The following BRWD1 variants were observed in gnomAD, a reference collection of about 807,000 sequenced individuals.
BRWD1 encodes the protein bromodomain and WD repeat domain containing 1, also known as bromodomain and WD repeat-containing protein 1.
A neutral mutation model predicts 251.2 loss-of-function variants in BRWD1; 82 were observed. That is an observed-to-expected ratio of 0.33 (90% confidence interval 0.27 to 0.39). The LOEUF (loss-of-function observed/expected upper bound fraction) is 0.39, where lower values mean the gene tolerates loss of function less well. Ranked by LOEUF, BRWD1 falls within the 10% of genes least tolerant of loss-of-function variation. BRWD1 has a pLI of 1.00. For synonymous variants in BRWD1, 918 were observed against 902.8 expected (o/e 1.02, Z -0.30); for missense variants, 2,233 against 2,711.6 (o/e 0.82, Z 3.92).
intron 15 of BRWD1, among the ~76,000 whole-genome samples, chr21:39,269,530 A>G (rs1170988087): frequency 1.3e-5 from 2 of 152,068 alleles, no homozygotes; most frequent in Non-Finnish European, 2.9e-5. Context: ...TAATAATGTC[A>G]TTTTATTTTA....
chr21:39,191,604 G>A lies in BRWD1; in HGVS notation c.*4655C>T. On this transcript the variant is annotated 3_prime_UTR_variant, in exon 41 of 41. Coordinates refer to ENST00000342449, the MANE Select transcript of BRWD1 (RefSeq NM_033656.4). ...TTTTGTAGGTGAATATATAGTTGCA[G>A]TCCAAGGACTGATTCACATTTAGAA... The A allele has an allele frequency of 7.1e-6, 7 of 984,876 alleles. No individual in the cohort carries two copies. Among genetic ancestry groups the A allele is most frequent in the Non-Finnish European group, 8.4e-6 (7 of 829,546 alleles). The allele number at this position is 984,876 out of a possible 1,614,324, so 61.0% of individuals were successfully genotyped here.
intron 4 of BRWD1, among the ~76,000 whole-genome samples, chr21:39,307,886 A>C (rs1212613707): frequency 6.6e-6 from 1 of 152,202 alleles, no homozygotes; most frequent in Non-Finnish European, 1.5e-5. Context: ...CCTTGACTAT[A>C]GAGATCTATC....
At position 39,232,505 on chromosome 21, in the gene BRWD1, A is replaced by T; in HGVS notation, c.2767-7T>A. On this transcript the variant is annotated splice_polypyrimidine_tract_variant and splice_region_variant and intron_variant, in intron 23 of 40. Coordinates refer to ENST00000342449, the MANE Select transcript of BRWD1 (RefSeq NM_033656.4). Reference sequence around the variant, plus strand: ...GAGTCATCCTCCGCAAATTCTACCAAGGGGAAGAGAACAAAGTTTCTTAGA... The same window carrying T: ...GAGTCATCCTCCGCAAATTCTACCATGGGGAAGAGAACAAAGTTTCTTAGA... The T allele has an allele frequency of 1.3e-6, 2 of 1,582,928 alleles. No individual in the cohort carries two copies. The highest frequency in any genetic ancestry group is 2.7e-5 in the African/African-American group (2 of 72,904).
chr21:39,304,430 G>A (rs1241304003), intron 4 of BRWD1, among the ~76,000 whole-genome samples: 2 of 138,356 alleles, frequency 1.4e-5, no homozygotes, highest in African/African-American at 2.5e-5. Flanking sequence ...AGGCCATATA[G>A]TGAGACAGTC....
Position 39,251,992 on chromosome 21 carries a change from C to T in BRWD1, c.2256-1103G>A, listed in dbSNP as rs548537502. Reference sequence around the variant, plus strand: ...ATAAAAGAATTTTTATACGGCCGGGCGCAGTGGCCCACACCTGTAATCCCA... The same window carrying T: ...ATAAAAGAATTTTTATACGGCCGGGTGCAGTGGCCCACACCTGTAATCCCA... On this transcript the variant is annotated intron_variant, in intron 19 of 40. Coordinates refer to ENST00000342449, the MANE Select transcript of BRWD1 (RefSeq NM_033656.4). 7.0e-4 allele frequency among the ~76,000 whole-genome samples: 107 copies of T among 152,124 alleles called. 2 individuals are homozygous for T. The highest frequency in any genetic ancestry group is 2.4e-3 in the African/African-American group (101 of 41,496).
At chr21:39,313,811 C>G (rs2036617749), upstream of BRWD1, 2 of 359,642 alleles carry the variant, frequency 5.6e-6, no homozygotes, top group Non-Finnish European at 1.0e-5. Flanking sequence ...GACGCGGAGG[C>G]AAAGACCTGG....
At chr21:39,268,622 A>G (rs2035002766) in intron 15 of BRWD1, among the ~76,000 whole-genome samples, 1 of 152,146 alleles carries the variant, frequency 6.6e-6, no homozygotes, top group South Asian at 2.1e-4. Context: ...AATACTTGCT[A>G]ATATTCAACA....
At position 39,247,694 on chromosome 21, in the gene BRWD1, C is replaced by T; in HGVS notation, c.2481+7G>A. ...TATCTTATAACATTTTAAAGTTTTC[C>T]ACTCACATGTCTTACAGAGCTTGAA... On this transcript the variant is annotated splice_region_variant and intron_variant, in intron 21 of 40. Coordinates refer to ENST00000342449, the MANE Select transcript of BRWD1 (RefSeq NM_033656.4). 1 of 1,589,864 alleles carries T rather than the reference C, an allele frequency of 6.3e-7. No individual in the cohort carries two copies.
chr21:39,272,040 T>C (rs1316889671), intron 13 of BRWD1, among the ~76,000 whole-genome samples: 1 of 142,218 alleles, frequency 7.0e-6, no homozygotes, highest in Non-Finnish European at 1.5e-5. Context: ...ATAGAATGAG[T>C]GTTATAAAAC....
At chr21:39,230,737 A>G (rs1327602723) in intron 25 of BRWD1, among the ~76,000 whole-genome samples, 1 of 152,116 alleles carries the variant, frequency 6.6e-6, no homozygotes, top group Non-Finnish European at 1.5e-5. Context: ...CACCAGAAAA[A>G]GCACAAAAAT....
chr21:39,295,780 C>G lies in BRWD1; in HGVS notation c.572G>C (p.Cys191Ser), dbSNP rs1377702181. Residue 191 changes from cysteine to serine, a missense_variant, in exon 7 of 41, where the codon TGT (cysteine) becomes TCT (serine). This residue lies in a region of BRWD1 where 185 missense variants were observed against 260.6 expected (regional missense o/e 0.71). Coordinates refer to ENST00000342449, the MANE Select transcript of BRWD1 (RefSeq NM_033656.4). The stretch of plus-strand genomic sequence containing the variant: ...ATGTCCTGTCCTATCAAATGCTACA[C>G]AGTAAACAGCAGATAGATGTCCGAG... ...RILGHLSAVY[C>S]VAFDRTGHRI... 1 of 1,607,390 alleles carries G rather than the reference C, an allele frequency of 6.2e-7. No homozygotes were observed. The highest frequency in any genetic ancestry group is 8.5e-7 in the Non-Finnish European group (1 of 1,176,176).
At chr21:39,232,068 G>GA in intron 25 of BRWD1, 109 bp downstream of exon 25, 1 of 981,376 alleles carries the variant, frequency 1.0e-6, no homozygotes, top group Non-Finnish European at 1.5e-6. Context: ...TATCAAGTAG[G>GA]AAAGAAAGTA....
intron 37 of BRWD1, 150 bp from the exon 38 acceptor site, chr21:39,202,695 T>C: frequency 1.7e-6 from 1 of 601,220 alleles, no homozygotes; most frequent in East Asian, 2.8e-5. Flanking sequence ...ATTAACATTT[T>C]ATTCTGGCAC....
chr21:39,274,545 C>CA (rs985837174), intron 12 of BRWD1, 73 bp from the exon 13 acceptor site: 38 of 1,182,868 alleles, frequency 3.2e-5, no homozygotes, highest in Middle Eastern at 1.9e-4. Flanking sequence ...AAATCACATG[C>CA]AAAAAAAGAA....
In BRWD1 at chr21:39,210,575, C is replaced by G. The variant is rs149985431; in HGVS notation, c.4044+211G>C. ...CCCACTGTTATGTAATACTGATTAT[C>G]TAAGTCTAAATTCTTAAATGAGCTC... On this transcript the variant is annotated intron_variant, in intron 35 of 40. Coordinates refer to ENST00000342449, the MANE Select transcript of BRWD1 (RefSeq NM_033656.4). 2.6e-5 allele frequency among the ~76,000 whole-genome samples: 4 copies of G among 152,248 alleles called. No homozygotes were observed. The East Asian group carries it at 7.7e-4, about 29-fold the overall frequency.
chr21:39,198,220 G>C (rs558419207), intron 40 of BRWD1, among the ~76,000 whole-genome samples: 35 of 152,198 alleles, frequency 2.3e-4, no homozygotes, highest in Admixed American at 1.8e-3. Flanking sequence ...ACCACTTTGT[G>C]CTCCAGTTAT....
intron 8 of BRWD1, among the ~76,000 whole-genome samples, chr21:39,285,903 C>A (rs1255635518): frequency 7.0e-6 from 1 of 143,394 alleles, no homozygotes; most frequent in Admixed American, 7.1e-5. Context: ...AGAATGTATT[C>A]GTCAAAGGTA....
Position 39,313,238 on chromosome 21 carries a change from C to T in BRWD1, c.108+3G>A. 1 of 1,542,776 alleles carries T rather than the reference C, an allele frequency of 6.5e-7. No individual in the cohort carries two copies. Among genetic ancestry groups the T allele is most frequent in the Non-Finnish European group, 8.8e-7 (1 of 1,138,464 alleles). Reference sequence around the variant, plus strand: ...CCGCAGCCGCCCGCGGGCCCGCACTCACCTGGGCCGCTCTCCGACACGGGC... The same window carrying T: ...CCGCAGCCGCCCGCGGGCCCGCACTTACCTGGGCCGCTCTCCGACACGGGC... On this transcript the variant is annotated splice_donor_region_variant and intron_variant, in intron 2 of 40. Coordinates refer to ENST00000342449, the MANE Select transcript of BRWD1 (RefSeq NM_033656.4).
chr21:39,233,757 C>G (rs1417662303), intron 23 of BRWD1, among the ~76,000 whole-genome samples: 1 of 152,226 alleles, frequency 6.6e-6, no homozygotes, highest in African/African-American at 2.4e-5. Flanking sequence ...CCATGGCTCA[C>G]GCCTGTAATC....
Sources: gnomAD v4.1 joint callset for allele counts (sites outside exome capture counted in the v4.1 genomes callset) on GRCh38, gnomAD v4.1.1 for gene constraint, gnomAD v4.1.1 regional missense constraint, MANE v1.5 for transcripts, NCBI Gene and HGNC (gene_info 2026-07-23, HGNC 2026-07-21) for gene names.